Variants in PDZRN4 observed in about 807,000 individuals in gnomAD.
The protein encoded by PDZRN4 is PDZ domain-containing RING finger protein 4.
In PDZRN4, 70 loss-of-function variants were observed where a neutral mutation model predicts 99.0. The ratio of observed to expected loss-of-function variants is 0.71; its 90% CI spans 0.58 to 0.86. The LOEUF is 0.86. Ranked by LOEUF, PDZRN4 falls within the 40% of genes least tolerant of loss-of-function variation. PDZRN4 has a pLI of 0.00. For synonymous variants in PDZRN4, 551 were observed against 501.6 expected, an observed-to-expected ratio of 1.10 and a Z score of -1.32; for missense variants, 1,474 against 1,331.2, an observed-to-expected ratio of 1.11 and a Z score of -1.67.
chr12:41,265,911 G>A (rs1369267756), intron 3 of PDZRN4, among the ~76,000 whole-genome samples: 1 of 151,784 alleles, frequency 6.6e-6, no homozygotes, highest in East Asian at 1.9e-4. Context: ...TAATATCTAC[G>A]TAAAATGCAT....
intron 3 of PDZRN4, among the ~76,000 whole-genome samples, chr12:41,390,446 C>T (rs1180188593): frequency 6.7e-6 from 1 of 148,974 alleles, no homozygotes; most frequent in East Asian, 2.0e-4. Context: ...CCCATATGAA[C>T]TTCTAAGGGG....
intron 3 of PDZRN4, among the ~76,000 whole-genome samples, chr12:41,325,414 C>T (rs549035932): frequency 5.9e-5 from 9 of 152,278 alleles, no homozygotes; most frequent in South Asian, 2.1e-4. Context: ...TTATTGTCCT[C>T]TTTAACTGGA....
At chr12:41,199,449 C>T (rs575252127) in intron 3 of PDZRN4, among the ~76,000 whole-genome samples, 2 of 152,046 alleles carry the variant, frequency 1.3e-5, no homozygotes, top group Admixed American at 6.6e-5. Flanking sequence ...AACACTATGG[C>T]GACTTCCCAA....
At chr12:41,286,763 CA>C (rs1471342619) in intron 3 of PDZRN4, among the ~76,000 whole-genome samples, 2 of 152,108 alleles carry the variant, frequency 1.3e-5, no homozygotes, top group Non-Finnish European at 2.9e-5. Flanking sequence ...GATTTCATAG[CA>C]GCAGCTTAGG....
intron 3 of PDZRN4, among the ~76,000 whole-genome samples, chr12:41,494,065 A>T (rs1002059078): frequency 1.3e-5 from 2 of 151,782 alleles, no homozygotes; most frequent in Non-Finnish European, 2.9e-5. Flanking sequence ...TCATTTTGCA[A>T]CTGGAGTTTC....
intron 3 of PDZRN4, among the ~76,000 whole-genome samples, chr12:41,353,956 G>C (rs1175462120): frequency 6.6e-6 from 1 of 152,020 alleles, no homozygotes; most frequent in African/African-American, 2.4e-5. Flanking sequence ...TGAGTAGTAG[G>C]ATGGCATTAC....
chr12:41,243,750 T>C (rs781289569), intron 3 of PDZRN4, among the ~76,000 whole-genome samples: 6 of 152,228 alleles, frequency 3.9e-5, no homozygotes, highest in Non-Finnish European at 8.8e-5. Context: ...TAGCACTGCC[T>C]GATAGCTAAT....
At position 41,214,252 on chromosome 12, in the gene PDZRN4, T is replaced by TAAAA. The variant is rs60618442; in HGVS notation, c.843+20087_843+20090dup. On this transcript the variant is annotated intron_variant, in intron 3 of 9. Transcript: ENST00000402685. ...GAGCAACATAGTGAGACCCTGTATT[T>TAAAA]AAAAAAAAAAAAAAAAAAAAAAAAA... Among the ~76,000 whole-genome samples the TAAAA allele has an allele frequency of 2.6e-3, 221 of 84,774 alleles. 5 individuals carry two copies. Among genetic ancestry groups the TAAAA allele is most frequent in the African/African-American group, 9.4e-3 (201 of 21,400 alleles). 55.6% of individuals were successfully genotyped at this position (84,774 alleles called of 152,430 possible).
At chr12:41,453,449 T>C (rs925432199) in intron 3 of PDZRN4, among the ~76,000 whole-genome samples, 3 of 152,230 alleles carry the variant, frequency 2.0e-5, no homozygotes, top group African/African-American at 7.2e-5. Flanking sequence ...CATTGGAGCA[T>C]ATTCTGAGAA....
chr12:41,453,008 A>G (rs932238333), intron 3 of PDZRN4, among the ~76,000 whole-genome samples: 8 of 152,154 alleles, frequency 5.3e-5, no homozygotes, highest in South Asian at 2.1e-4. Context: ...ATGCAATCTT[A>G]ACAGAGACCC....
At chr12:41,232,774 G>T (rs968224428) in intron 3 of PDZRN4, among the ~76,000 whole-genome samples, 4 of 152,034 alleles carry the variant, frequency 2.6e-5, no homozygotes, top group African/African-American at 9.7e-5. Context: ...GTATTGCCTA[G>T]GTTTTCTTCT....
intron 3 of PDZRN4, among the ~76,000 whole-genome samples, chr12:41,432,065 A>G (rs1469936012): frequency 1.3e-5 from 2 of 152,234 alleles, no homozygotes; most frequent in Non-Finnish European, 2.9e-5. Flanking sequence ...TACAACTACA[A>G]AAATCTGGCA....
At chr12:41,356,285 A>C (rs1951926425) in intron 3 of PDZRN4, among the ~76,000 whole-genome samples, 2 of 152,064 alleles carry the variant, frequency 1.3e-5, no homozygotes, top group African/African-American at 4.8e-5. Flanking sequence ...GATTGGATTC[A>C]ATATTAGAAA....
rs1317820482 is a variant in PDZRN4, at chr12:41,194,115, A to C, written c.770A>C (p.Tyr257Ser). The change falls in exon 3 of 10, where the codon TAC (tyrosine) becomes TCC (serine). Residue 257 changes from tyrosine to serine, a missense_variant. Tyr to Ser is a moderately radical substitution (Grantham distance 144). Transcript: ENST00000402685. ...GAAGGAACATCGACTGAAGGAATTTACGTTTCAAAAATTTTAGAAAATGGA... is the reference window on the plus strand; with the variant it reads ...GAAGGAACATCGACTGAAGGAATTTCCGTTTCAAAAATTTTAGAAAATGGA... Reference protein sequence around the residue: ...NQEGTSTEGIYVSKILENGPA... With the variant: ...NQEGTSTEGISVSKILENGPA... 6.4e-7 allele frequency: 1 copy of C among 1,559,444 alleles called. No individual in the cohort carries two copies. The highest frequency in any genetic ancestry group is 1.1e-5 in the South Asian group (1 of 90,214).
intron 3 of PDZRN4, among the ~76,000 whole-genome samples, chr12:41,404,903 T>C (rs1443991526): frequency 6.6e-6 from 1 of 152,148 alleles, no homozygotes; most frequent in Admixed American, 6.6e-5. Flanking sequence ...CAAATGATGC[T>C]GGGATAACTG....
rs188893226 is a variant in PDZRN4 at position 41,215,371 on chromosome 12, A to G, written c.843+21183A>G. Among the ~76,000 whole-genome samples, 333 of 152,146 alleles carry G rather than the reference A, an allele frequency of 2.2e-3. 2 individuals are homozygous for G. The highest frequency in any genetic ancestry group is 3.7e-3 in the Non-Finnish European group (252 of 67,970). On this transcript the variant is annotated intron_variant, in intron 3 of 9. Coordinates refer to ENST00000402685, the MANE Select transcript of PDZRN4 (RefSeq NM_001164595.2). ...TTAAAAACGCAGATTCCAGAGTTCA[A>G]TCCCAGACCTAGTGAAATAATCTCT...
intron 5 of PDZRN4, among the ~76,000 whole-genome samples, chr12:41,551,635 A>T (rs1359644391): frequency 6.6e-6 from 1 of 152,196 alleles, no homozygotes; most frequent in Non-Finnish European, 1.5e-5. Flanking sequence ...AGCAAGACAG[A>T]TAAATTCAGA....
Position 41,563,548 on chromosome 12 carries a change from A to C in PDZRN4, c.1366A>C (p.Ile456Leu), listed in dbSNP as rs1565616441. 6.2e-7 allele frequency: 1 copy of C among 1,610,108 alleles called. No individual in the cohort carries two copies. Among genetic ancestry groups the C allele is most frequent in the East Asian group, 2.2e-5 (1 of 44,854 alleles). ...TGTGCCACTCTCATTTGTTTTCTAG[A>C]TAAATGGGGAAGATGTCCAGAATCG... ...RIREGDRILQ[I>L]NGEDVQNREE... The change falls in exon 8 of 10, where the codon ATA (isoleucine) becomes CTA (leucine). Residue 456 changes from isoleucine to leucine, a missense_variant and splice_region_variant. Physicochemically the swap from Ile to Leu is conservative, Grantham distance 5 (BLOSUM62 2). Coordinates refer to ENST00000402685, the MANE Select transcript of PDZRN4 (RefSeq NM_001164595.2).
At chr12:41,467,346 C>A (rs2120555216) in intron 3 of PDZRN4, among the ~76,000 whole-genome samples, 1 of 152,308 alleles carries the variant, frequency 6.6e-6, no homozygotes, top group South Asian at 2.1e-4. Flanking sequence ...ATAGTACATT[C>A]TTTCACAATC....
Sources: gnomAD v4.1 joint callset for allele counts (sites outside exome capture counted in the v4.1 genomes callset) on GRCh38, gnomAD v4.1.1 for gene constraint, MANE v1.5 for transcripts, NCBI Gene and HGNC (gene_info 2026-07-23, HGNC 2026-07-21) for gene names.